PCDH15: variants seen among roughly 807,000 people sequenced by gnomAD.
PCDH15 encodes the protein protocadherin-15.
A neutral mutation model predicts 178.5 loss-of-function variants in PCDH15; 129 were observed. That is an observed-to-expected ratio of 0.72 (90% CI 0.63 to 0.84). The LOEUF (loss-of-function observed/expected upper bound fraction) is 0.84, where lower values mean the gene tolerates loss of function less well. PCDH15 is among the 40% of genes least tolerant of loss of function. The pLI is 0.00. For missense variants in PCDH15, 2,230 were observed against 2,099.9 expected (o/e 1.06, Z -1.21); for synonymous variants, 800 against 732.0 (o/e 1.09, Z -1.50).
At chr10:55,525,226 A>G in intron 2 of PCDH15, among the ~76,000 whole-genome samples, 1 of 151,912 alleles carries the variant, frequency 6.6e-6, no homozygotes, top group South Asian at 2.1e-4. Context: ...TTTTGTTACA[A>G]AAATAAAATT....
intron 2 of PCDH15, among the ~76,000 whole-genome samples, chr10:55,011,201 G>C (rs533571938): frequency 6.6e-6 from 1 of 152,038 alleles, no homozygotes; most frequent in African/African-American, 2.4e-5. Context: ...TACACATACT[G>C]AAAAAATCGT....
At chr10:54,890,038 G>T (rs1954432271) in intron 3 of PCDH15, among the ~76,000 whole-genome samples, 1 of 151,932 alleles carries the variant, frequency 6.6e-6, no homozygotes, top group African/African-American at 2.4e-5. Flanking sequence ...TTTAGATTGA[G>T]ATAATACATT....
intron 1 of PCDH15, among the ~76,000 whole-genome samples, chr10:54,705,538 G>A (rs1041721044): frequency 8.6e-5 from 13 of 151,950 alleles, no homozygotes; most frequent in Admixed American, 7.9e-4. Context: ...TATTTCATAG[G>A]TTGTACTTCT....
At chr10:54,303,152 C>T (rs2060245391) in intron 8 of PCDH15, among the ~76,000 whole-genome samples, 1 of 152,116 alleles carries the variant, frequency 6.6e-6, no homozygotes, top group Non-Finnish European at 1.5e-5. Flanking sequence ...GGAACTTCCA[C>T]CACCTAGCAG....
At chr10:54,163,187 T>G (rs889098608) in intron 13 of PCDH15, among the ~76,000 whole-genome samples, 86 of 152,248 alleles carry the variant, frequency 5.6e-4, no homozygotes, top group African/African-American at 2.1e-3. Flanking sequence ...ACAATATACT[T>G]GAATCGTATT....
chr10:55,271,116 G>A (rs1216079646), intron 1 of PCDH15, among the ~76,000 whole-genome samples: 1 of 152,062 alleles, frequency 6.6e-6, no homozygotes, highest in Non-Finnish European at 1.5e-5. Context: ...CATGGGAACA[G>A]ACACTGGTCA....
At chr10:54,031,821 G>A (rs1211075543) in intron 18 of PCDH15, among the ~76,000 whole-genome samples, 1 of 152,004 alleles carries the variant, frequency 6.6e-6, no homozygotes, top group East Asian at 1.9e-4. Flanking sequence ...CGCTCATACA[G>A]CAAAGAAAGA....
chr10:55,418,400 T>C (rs1313330245), intron 2 of PCDH15, among the ~76,000 whole-genome samples: 1 of 151,738 alleles, frequency 6.6e-6, no homozygotes, highest in African/African-American at 2.4e-5. Flanking sequence ...AATACTGCCT[T>C]ATGTGCGTAG....
chr10:55,149,691 T>A (rs1230350425), intron 2 of PCDH15, among the ~76,000 whole-genome samples: 2 of 105,060 alleles, frequency 1.9e-5, no homozygotes, highest in African/African-American at 3.2e-5. Flanking sequence ...GGGAGAGATA[T>A]CTTTTTCTCT....
At chr10:54,527,004 A>G (rs1052774375) in intron 3 of PCDH15, among the ~76,000 whole-genome samples, 5 of 152,172 alleles carry the variant, frequency 3.3e-5, no homozygotes, top group African/African-American at 9.7e-5. Flanking sequence ...TTTAGAACAA[A>G]TATTAGGTAC....
intron 3 of PCDH15, among the ~76,000 whole-genome samples, chr10:54,431,959 T>C (rs1957018623): frequency 1.3e-5 from 2 of 151,628 alleles, no homozygotes. Context: ...AATAAAAAAT[T>C]CAACACATTT....
intron 1 of PCDH15, among the ~76,000 whole-genome samples, chr10:55,317,985 G>A (rs1002670004): frequency 6.6e-6 from 1 of 152,134 alleles, no homozygotes; most frequent in Non-Finnish European, 1.5e-5. Flanking sequence ...GCAATAGTGG[G>A]AAAAATTGTC....
intron 1 of PCDH15, among the ~76,000 whole-genome samples, chr10:54,754,834 G>A (rs913060459): frequency 6.6e-6 from 1 of 151,426 alleles, no homozygotes; most frequent in South Asian, 2.1e-4. Context: ...GACACAAGTC[G>A]CATATGTGTT....
At chr10:55,066,068 AT>A (rs752172975) in intron 2 of PCDH15, among the ~76,000 whole-genome samples, 3 of 151,476 alleles carry the variant, frequency 2.0e-5, no homozygotes, top group Non-Finnish European at 3.0e-5. Flanking sequence ...TATGTCAGGA[AT>A]TTTTTTTGCT....
At chr10:54,436,023 AGAGGAGAG>A (rs1223052193) in intron 3 of PCDH15, among the ~76,000 whole-genome samples, 5 of 48,740 alleles carry the variant, frequency 1.0e-4, no homozygotes, top group East Asian at 9.4e-4. Context: ...AGAGGAGAGG[AGAGGAGAG>A]GAGAGAGAGA....
At position 54,032,549 on chromosome 10, in the gene PCDH15, A is replaced by G. The variant is rs1357475561; in HGVS notation, c.2221-9352T>C. Among the ~76,000 whole-genome samples, 7 of 152,170 alleles carry G rather than the reference A, an allele frequency of 4.6e-5. No homozygotes were observed. In the East Asian group the frequency reaches 1.4e-3, roughly 29 times the overall value. On this transcript the variant is annotated intron_variant, in intron 18 of 37. Transcript: ENST00000644397. ...CAACCACCCAAACACATGAAGAAAT[A>G]AAAATTGCCAATTAGTATTTATAAT...
chr10:55,136,152 T>C (rs1838193148), intron 2 of PCDH15, among the ~76,000 whole-genome samples: 1 of 152,142 alleles, frequency 6.6e-6, no homozygotes, highest in Non-Finnish European at 1.5e-5. Context: ...GGCATTTATG[T>C]AAATATAATA....
chr10:55,316,900 C>A (rs1208394776), intron 1 of PCDH15, among the ~76,000 whole-genome samples: 1 of 152,130 alleles, frequency 6.6e-6, no homozygotes, highest in African/African-American at 2.4e-5. Flanking sequence ...AGCTCTCATA[C>A]TGAGCTTTCC....
intron 3 of PCDH15, among the ~76,000 whole-genome samples, chr10:54,817,497 C>T (rs926179935): frequency 3.4e-4 from 51 of 151,908 alleles, no homozygotes; most frequent in African/African-American, 1.2e-3. Flanking sequence ...AATTCTTGTT[C>T]ATCAAAAAAT....
Sources: gnomAD v4.1 joint callset for allele counts (sites outside exome capture counted in the v4.1 genomes callset) on GRCh38, gnomAD v4.1.1 for gene constraint, MANE v1.5 for transcripts, NCBI Gene and HGNC (gene_info 2026-07-23, HGNC 2026-07-21) for gene names.